NEK1: variants seen among roughly 807,000 people sequenced by gnomAD.
NEK1 encodes NIMA related kinase 1, also known as serine/threonine-protein kinase Nek1.
In NEK1, 137 loss-of-function variants were observed where a neutral mutation model predicts 182.1. The ratio of observed to expected loss-of-function variants is 0.75; its 90% CI spans 0.65 to 0.87. The LOEUF is 0.87. Ranked by LOEUF, NEK1 falls within the 40% of genes least tolerant of loss-of-function variation. The pLI is 0.00. For synonymous variants in NEK1, 513 were observed against 492.2 expected, an observed-to-expected ratio of 1.04 and a Z score of -0.56; for missense variants, 1,391 against 1,494.4, an observed-to-expected ratio of 0.93 and a Z score of 1.14.
chr4:169,464,973 A>T (rs1326533451), intron 26 of NEK1, among the ~76,000 whole-genome samples: 2 of 152,092 alleles, frequency 1.3e-5, no homozygotes, highest in Admixed American at 6.6e-5. Context: ...TAATATATGA[A>T]GTATACAGGT....
At chr4:169,559,790 A>C (rs1447312953) in intron 16 of NEK1, among the ~76,000 whole-genome samples, 1 of 152,144 alleles carries the variant, frequency 6.6e-6, no homozygotes, top group African/African-American at 2.4e-5. Context: ...CAGGCAGGTC[A>C]CCTGAGGTCG....
At chr4:169,610,422 T>A (rs1487243760) in intron 2 of NEK1, among the ~76,000 whole-genome samples, 2 of 151,866 alleles carry the variant, frequency 1.3e-5, no homozygotes, top group African/African-American at 4.8e-5. Flanking sequence ...CAAGCAATTA[T>A]CCTGTGTTAG....
intron 23 of NEK1, among the ~76,000 whole-genome samples, chr4:169,480,565 A>G (rs1258713127): frequency 6.6e-6 from 1 of 150,862 alleles, no homozygotes; most frequent in Non-Finnish European, 1.5e-5. Context: ...ATGAATTGTA[A>G]TTATTTTGCT....
chr4:169,475,376 G>C (rs1455607920), intron 26 of NEK1, among the ~76,000 whole-genome samples: 1 of 152,076 alleles, frequency 6.6e-6, no homozygotes, highest in Admixed American at 6.6e-5. Flanking sequence ...TCTCCTAAAT[G>C]GGTATAATTA....
intron 23 of NEK1, among the ~76,000 whole-genome samples, chr4:169,502,276 T>C (rs1015317860): frequency 6.8e-6 from 1 of 147,694 alleles, no homozygotes; most frequent in African/African-American, 2.5e-5. Flanking sequence ...AAAAAAAAAG[T>C]CCTGGACCAG....
chr4:169,553,694 C>T (rs1761746470), intron 18 of NEK1, among the ~76,000 whole-genome samples: 1 of 152,050 alleles, frequency 6.6e-6, no homozygotes, highest in Non-Finnish European at 1.5e-5. Flanking sequence ...GGGCAAAAGG[C>T]CTGAACAGAC....
At chr4:169,443,101 A>ATCTATCTATCTATCTC (rs1363038119) in intron 27 of NEK1, among the ~76,000 whole-genome samples, 4 of 148,178 alleles carry the variant, frequency 2.7e-5, no homozygotes, top group African/African-American at 1.0e-4. Context: ...CTATCTATCT[A>ATCTATCTATCTATCTC]TCTCATAATT....
At chr4:169,498,027 T>A (rs1751688637) in intron 23 of NEK1, among the ~76,000 whole-genome samples, 1 of 152,204 alleles carries the variant, frequency 6.6e-6, no homozygotes, top group South Asian at 2.1e-4. Flanking sequence ...CCCATTATTA[T>A]TGTGTGGGAG....
chr4:169,436,363 A>T (rs753250740), intron 28 of NEK1, among the ~76,000 whole-genome samples: 5 of 151,962 alleles, frequency 3.3e-5, no homozygotes, highest in Admixed American at 6.5e-5. Flanking sequence ...AAGGGCTTCA[A>T]TGACATTGTT....
intron 10 of NEK1, among the ~76,000 whole-genome samples, chr4:169,582,104 A>C (rs755619592): frequency 6.6e-5 from 10 of 152,032 alleles, no homozygotes; most frequent in Non-Finnish European, 1.2e-4. Flanking sequence ...CAAAGAATTA[A>C]CTCGATTTAT....
At chr4:169,482,316 C>T (rs11733685) in intron 23 of NEK1, among the ~76,000 whole-genome samples, 13,348 of 151,990 alleles carry the variant, frequency 0.088, 757 homozygotes, top group African/African-American at 0.16. Flanking sequence ...GAGATGGGGT[C>T]TTGCTCTGTC....
chr4:169,508,719 A>C (rs1053774887), intron 20 of NEK1, 50 bp downstream of exon 20: 16 of 1,377,414 alleles, frequency 1.2e-5, no homozygotes, highest in Admixed American at 2.5e-5. Context: ...GAAGGCAATA[A>C]ATTCAAAAAT....
chr4:169,598,076 C>A (rs1288246206), intron 5 of NEK1, among the ~76,000 whole-genome samples: 1 of 152,084 alleles, frequency 6.6e-6, no homozygotes, highest in South Asian at 2.1e-4. Flanking sequence ...CAGTGGTAAT[C>A]TCAGGAACAA....
At chr4:169,460,338 T>TAA (rs60082117) in intron 27 of NEK1, among the ~76,000 whole-genome samples, 8 of 141,564 alleles carry the variant, frequency 5.7e-5, no homozygotes, top group African/African-American at 2.1e-4. Flanking sequence ...GGTGGCAGGT[T>TAA]AAAAAAAAAA....
intron 27 of NEK1, among the ~76,000 whole-genome samples, chr4:169,455,186 G>A (rs1425196037): frequency 1.3e-5 from 2 of 152,074 alleles, no homozygotes; most frequent in Non-Finnish European, 2.9e-5. Context: ...GGGGGGTTGG[G>A]GCCTGGCAGA....
chr4:169,438,613 AGAG>A (rs1048616910), intron 27 of NEK1, among the ~76,000 whole-genome samples: 1 of 152,216 alleles, frequency 6.6e-6, no homozygotes, highest in Non-Finnish European at 1.5e-5. Flanking sequence ...CACTAAGGAG[AGAG>A]GAGGTTTACC....
intron 19 of NEK1, among the ~76,000 whole-genome samples, chr4:169,526,836 T>G (rs1379296694): frequency 1.3e-5 from 2 of 152,138 alleles, no homozygotes; most frequent in African/African-American, 4.8e-5. Flanking sequence ...AAACAAAAAG[T>G]CTAACATTTC....
At chr4:169,540,522 T>C (rs989786330) in intron 18 of NEK1, among the ~76,000 whole-genome samples, 4 of 152,110 alleles carry the variant, frequency 2.6e-5, no homozygotes, top group Non-Finnish European at 4.4e-5. Flanking sequence ...TGTGCTGGGA[T>C]CATGGGGATT....
intron 23 of NEK1, among the ~76,000 whole-genome samples, chr4:169,500,524 A>G (rs1030652852): frequency 1.3e-5 from 2 of 152,150 alleles, no homozygotes; most frequent in South Asian, 4.1e-4. Context: ...AGCTGTTCCT[A>G]TTCGGCCATC....
Sources: allele counts gnomAD v4.1 joint callset (sites outside exome capture counted in the v4.1 genomes callset), GRCh38; gene constraint gnomAD v4.1.1; transcripts MANE v1.5; gene names NCBI Gene and HGNC (gene_info 2026-07-23, HGNC 2026-07-21).